CASQ2: variants seen among roughly 807,000 people sequenced by gnomAD.
CASQ2 encodes the protein calsequestrin 2.
Under a neutral mutation model 46.5 loss-of-function variants are expected in CASQ2, and 49 were observed. The observed-to-expected ratio is 1.05, with a 90% CI of 0.84 to 1.34. CASQ2 has a LOEUF of 1.34. CASQ2 is among the 40% of genes most tolerant of loss of function. The pLI is 0.00. For synonymous variants in CASQ2, 174 were observed against 168.5 expected, an observed-to-expected ratio of 1.03 and a Z score of -0.25; for missense variants, 486 against 481.3, an observed-to-expected ratio of 1.01 and a Z score of -0.09.
intron 1 of CASQ2, among the ~76,000 whole-genome samples, chr1:115,757,571 G>A (rs1158153969): frequency 6.6e-6 from 1 of 152,114 alleles, no homozygotes; most frequent in Non-Finnish European, 1.5e-5. Flanking sequence ...ACTTCATTTT[G>A]CCTTCCTCTC....
chr1:115,715,617 T>C (rs1654677096), intron 8 of CASQ2, among the ~76,000 whole-genome samples: 2 of 152,266 alleles, frequency 1.3e-5, no homozygotes, highest in Admixed American at 6.5e-5. Flanking sequence ...ATACTGATTA[T>C]GTTTGCACAA....
intron 8 of CASQ2, among the ~76,000 whole-genome samples, chr1:115,709,677 T>C (rs909160574): frequency 2.6e-5 from 4 of 152,248 alleles, no homozygotes; most frequent in Non-Finnish European, 5.9e-5. Flanking sequence ...CATTTGTCTC[T>C]GTTGAATATT....
chr1:115,701,051 G>T lies in CASQ2; in HGVS notation c.*190C>A. The T allele has an allele frequency of 1.3e-6, 1 of 793,944 alleles. No homozygotes were observed. The highest frequency in any genetic ancestry group is 2.2e-6 in the Non-Finnish European group (1 of 461,376). 49.2% of individuals were successfully genotyped at this position (793,944 alleles called of 1,614,324 possible). On this transcript the variant is annotated 3_prime_UTR_variant, in exon 11 of 11. Coordinates refer to ENST00000261448, the MANE Select transcript of CASQ2 (RefSeq NM_001232.4). ...ATTTTTCTCCTGTCCCTGCTAAGTG[G>T]GATTGCTGCATTTGAAAAGGCATTT...
At chr1:115,705,133 A>C in intron 9 of CASQ2, 59 bp downstream of exon 9, 1 of 1,066,432 alleles carries the variant, frequency 9.4e-7, no homozygotes, top group South Asian at 1.2e-5. Context: ...TCAGATGCTG[A>C]ACGCAATCAT....
At chr1:115,702,698 C>A (rs1041019561) in intron 10 of CASQ2, among the ~76,000 whole-genome samples, 2 of 152,166 alleles carry the variant, frequency 1.3e-5, no homozygotes, top group Non-Finnish European at 2.9e-5. Flanking sequence ...AAAGGCTGGC[C>A]CCATAGGCAA....
chr1:115,737,193 C>A (rs1262831051), intron 4 of CASQ2, among the ~76,000 whole-genome samples: 1 of 152,170 alleles, frequency 6.6e-6, no homozygotes, highest in African/African-American at 2.4e-5. Context: ...TGGGGCAAAT[C>A]TCCCTGGTTA....
chr1:115,701,456 G>A (rs2101052402), intron 10 of CASQ2, 30 bp from the exon 11 acceptor site: 5 of 1,426,966 alleles, frequency 3.5e-6, no homozygotes, highest in East Asian at 2.3e-5. Context: ...GAATGAGTGG[G>A]TAAATGCATG....
At chr1:115,747,532 A>G (rs1648428825) in intron 1 of CASQ2, among the ~76,000 whole-genome samples, 1 of 152,198 alleles carries the variant, frequency 6.6e-6, no homozygotes, top group South Asian at 2.1e-4. Context: ...TAGAATTTTG[A>G]TAGCAATTGC....
chr1:115,750,289 G>C (rs934678178), intron 1 of CASQ2, among the ~76,000 whole-genome samples: 1 of 152,112 alleles, frequency 6.6e-6, no homozygotes, highest in Admixed American at 6.5e-5. Context: ...TCCTGTTGAC[G>C]TACAACTGTT....
At chr1:115,746,899 A>G (rs1478303650) in intron 1 of CASQ2, among the ~76,000 whole-genome samples, 1 of 152,206 alleles carries the variant, frequency 6.6e-6, no homozygotes, top group Non-Finnish European at 1.5e-5. Context: ...GTCATTTCAA[A>G]TATTTATCAC....
intron 7 of CASQ2, among the ~76,000 whole-genome samples, chr1:115,718,680 G>C (rs780597512): frequency 2.0e-5 from 3 of 152,174 alleles, no homozygotes; most frequent in Non-Finnish European, 2.9e-5. Context: ...ATTGAGAAAA[G>C]TGGTGTATGG....
intron 2 of CASQ2, among the ~76,000 whole-genome samples, chr1:115,743,747 T>C (rs538230961): frequency 6.8e-5 from 9 of 132,714 alleles, no homozygotes; most frequent in African/African-American, 2.3e-4. Context: ...TCTTCAAAGA[T>C]CCTGTTTTAT....
intron 5 of CASQ2, among the ~76,000 whole-genome samples, chr1:115,728,006 G>C (rs916742792): frequency 6.6e-6 from 1 of 152,162 alleles, no homozygotes; most frequent in Non-Finnish European, 1.5e-5. Flanking sequence ...AATGTGCAAC[G>C]CTCTATAGAA....
rs1648146657 is a variant in CASQ2 at position 115,740,726 on chromosome 1, A to G, written c.420+2T>C. The G allele has an allele frequency of 6.3e-7, 1 of 1,588,886 alleles. No individual in the cohort carries two copies. The highest frequency in any genetic ancestry group is 1.1e-5 in the South Asian group (1 of 90,654). Reference sequence around the variant, plus strand: ...GCAGGGTCACTGTGTATAAATACTTACATCCAAGAGGAACTCCACCAAGAC... The same window carrying G: ...GCAGGGTCACTGTGTATAAATACTTGCATCCAAGAGGAACTCCACCAAGAC... On this transcript the variant is annotated splice_donor_variant, in intron 3 of 10. Coordinates refer to ENST00000261448, the MANE Select transcript of CASQ2 (RefSeq NM_001232.4). LOFTEE classifies it high-confidence loss of function.
chr1:115,712,859 AAAAAAAAAAG>A (rs1227563475), intron 8 of CASQ2, among the ~76,000 whole-genome samples: 1 of 142,830 alleles, frequency 7.0e-6, no homozygotes, highest in Non-Finnish European at 1.5e-5. Flanking sequence ...GCCTCAAAAA[AAAAAAAAAAG>A]AAAGAAAGAA....
At position 115,726,989 on chromosome 1, in the gene CASQ2, C is replaced by A. The variant is rs1283895540; in HGVS notation, c.737+3G>T. The A allele has an allele frequency of 1.2e-6, 2 of 1,609,708 alleles. No individual in the cohort carries two copies. The highest frequency in any genetic ancestry group is 1.7e-6 in the Non-Finnish European group (2 of 1,177,354). ...CCCAGCCCCCACATGCCATCTCAGG[C>A]ACCTTTGGTGTTCCTTCACAAACTC... On this transcript the variant is annotated splice_donor_region_variant and intron_variant, in intron 6 of 10. Transcript: ENST00000261448.
At chr1:115,734,724 ACTTAT>A (rs72133675) in intron 4 of CASQ2, among the ~76,000 whole-genome samples, 2,642 of 152,138 alleles carry the variant, frequency 0.017, 86 homozygotes, top group African/African-American at 0.06. Flanking sequence ...CTTACTAAAA[ACTTAT>A]CTTAGCATTT....
intron 9 of CASQ2, among the ~76,000 whole-genome samples, chr1:115,703,881 C>T (rs1417282899): frequency 4.6e-5 from 7 of 150,780 alleles, no homozygotes; most frequent in Non-Finnish European, 7.4e-5. Flanking sequence ...CACTGCACTC[C>T]AGCCTGGGTG....
At chr1:115,761,511 G>C in intron 1 of CASQ2, among the ~76,000 whole-genome samples, 2 of 104,474 alleles carry the variant, frequency 1.9e-5, no homozygotes, top group East Asian at 4.0e-4. Context: ...AGAAGAAGAA[G>C]AAGAAGAAGA....
Sources: gnomAD v4.1 joint callset for allele counts (sites outside exome capture counted in the v4.1 genomes callset) on GRCh38, gnomAD v4.1.1 for gene constraint, MANE v1.5 for transcripts, NCBI Gene and HGNC (gene_info 2026-07-23, HGNC 2026-07-21) for gene names.